Variants in UFM1 observed in about 807,000 individuals in gnomAD.
UFM1 encodes ubiquitin fold modifier 1, also known as ubiquitin-fold modifier 1.
Under a neutral mutation model 15.4 loss-of-function variants are expected in UFM1, and 9 were observed. The ratio of observed to expected loss-of-function variants is 0.59; its 90% confidence interval spans 0.35 to 1.02. The LOEUF (loss-of-function observed/expected upper bound fraction) is 1.02. Among genes scored for constraint, UFM1 ranks in the 50% least tolerant of loss-of-function variants. The pLI is 0.02. For missense variants in UFM1, 98 were observed against 104.7 expected, an observed-to-expected ratio of 0.94 and a Z score of 0.28; for synonymous variants, 27 against 36.3, an observed-to-expected ratio of 0.74 and a Z score of 0.92.
At position 38,360,995 on chromosome 13, in the gene UFM1, CTT is replaced by C; in HGVS notation, c.*219_*220del. ...TACTACTGTCACAGAAGATCATAGTCTTTGATGCTACCTCACAACACAAACAG... is the reference window on the plus strand; with the variant it reads ...TACTACTGTCACAGAAGATCATAGTCTGATGCTACCTCACAACACAAACAG... On this transcript the variant is annotated 3_prime_UTR_variant, in exon 6 of 6. Coordinates refer to ENST00000239878, the MANE Select transcript of UFM1 (RefSeq NM_016617.4). 2.5e-6 allele frequency: 1 copy of C among 396,078 alleles called. No individual in the cohort carries two copies. The highest frequency in any genetic ancestry group is 4.5e-6 in the Non-Finnish European group (1 of 221,540). The allele number at this position is 396,078 out of a possible 1,614,324, so 24.5% of individuals were successfully genotyped here.
At chr13:38,357,636 CTT>C (rs1198113638) in intron 3 of UFM1, among the ~76,000 whole-genome samples, 15 of 151,758 alleles carry the variant, frequency 9.9e-5, no homozygotes, top group Admixed American at 5.3e-4. Context: ...TTCTCAAAAA[CTT>C]TACTAATAGC....
intron 2 of UFM1, among the ~76,000 whole-genome samples, chr13:38,351,429 T>G (rs1214923348): frequency 6.6e-6 from 1 of 152,216 alleles, no homozygotes; most frequent in Non-Finnish European, 1.5e-5. Context: ...AGCTGCTGTC[T>G]CCCTTGCTAT....
At chr13:38,350,630 A>C (rs1878801116) in intron 2 of UFM1, among the ~76,000 whole-genome samples, 1 of 152,194 alleles carries the variant, frequency 6.6e-6, no homozygotes, top group Non-Finnish European at 1.5e-5. Flanking sequence ...AGGAATGGGA[A>C]ATGCAGATAG....
chr13:38,350,153 T>C, intron 2 of UFM1, 98 bp downstream of exon 2: 1 of 1,613,990 alleles, frequency 6.2e-7, no homozygotes, highest in Non-Finnish European at 8.5e-7. Flanking sequence ...CACGCAGTCT[T>C]CATCTCTTCA....
At chr13:38,360,675 TA>T in intron 5 of UFM1, 35 bp from the exon 6 acceptor site, 1 of 1,465,542 alleles carries the variant, frequency 6.8e-7, no homozygotes, top group Non-Finnish European at 9.5e-7. Context: ...ACTTGATTTT[TA>T]GATATCTAAC....
chr13:38,350,370 TTTG>T (rs1307918673), intron 2 of UFM1: 3 of 887,834 alleles, frequency 3.4e-6, no homozygotes, highest in Non-Finnish European at 5.2e-6. Context: ...GTTCTGGTAA[TTTG>T]TTGGGATTCT....
intron 2 of UFM1, among the ~76,000 whole-genome samples, chr13:38,353,766 A>C (rs1222692389): frequency 6.6e-6 from 1 of 152,090 alleles, no homozygotes; most frequent in Admixed American, 6.5e-5. Context: ...AGTACACAGA[A>C]GGTTCATCAA....
Position 38,358,137 on chromosome 13 carries a change from G to C in UFM1, c.157+5G>C, listed in dbSNP as rs200492720. ...CAAGTGCAATTATTACCAATGGTAA[G>C]AATTCACTATAAAATTATGTATTAC... On this transcript the variant is annotated splice_donor_5th_base_variant and intron_variant, in intron 4 of 5. Transcript: ENST00000239878. 1.4e-6 allele frequency: 2 copies of C among 1,447,644 alleles called. No homozygotes were observed. Among genetic ancestry groups the C allele is most frequent in the Non-Finnish European group, 1.8e-6 (2 of 1,085,914 alleles). The allele number at this position is 1,447,644 out of a possible 1,614,324, so 89.7% of individuals were successfully genotyped here. A position where few individuals can be genotyped will look rare whatever the true frequency, so the allele number is the denominator to read the frequency against.
chr13:38,360,942 T>C lies in UFM1; in HGVS notation c.*164T>C. The C allele has an allele frequency of 1.8e-6, 1 of 540,570 alleles. No homozygotes were observed. Among genetic ancestry groups the C allele is most frequent in the Middle Eastern group, 5.0e-4 (1 of 2,014 alleles). 33.5% of individuals were successfully genotyped at this position (540,570 alleles called of 1,614,324 possible). A position where few individuals can be genotyped will look rare whatever the true frequency, so the allele number is the denominator to read the frequency against. ...CTTTTTGTTGTCCATACTCTTCCTA[T>C]GAAGAGGGAATGCGTATGAATTAAG... On this transcript the variant is annotated 3_prime_UTR_variant, in exon 6 of 6. Transcript: ENST00000239878.
Position 38,360,955 on chromosome 13 carries a change from C to T in UFM1, c.*177C>T, listed in dbSNP as rs112954399. ...ATACTCTTCCTATGAAGAGGGAATG[C>T]GTATGAATTAAGGCTACTACTGTCA... On this transcript the variant is annotated 3_prime_UTR_variant, in exon 6 of 6. Coordinates refer to ENST00000239878, the MANE Select transcript of UFM1 (RefSeq NM_016617.4). The T allele has an allele frequency of 4.5e-3, 2,277 of 501,200 alleles. 46 individuals carry two copies. Among genetic ancestry groups the T allele is most frequent in the African/African-American group, 0.039 (1,980 of 50,998 alleles). The allele number at this position is 501,200 out of a possible 1,614,324, so 31.0% of individuals were successfully genotyped here.
intron 2 of UFM1, among the ~76,000 whole-genome samples, chr13:38,352,503 ATATT>A (rs1878907738): frequency 6.6e-6 from 1 of 152,134 alleles, no homozygotes; most frequent in Admixed American, 6.6e-5. Context: ...TTTTGTTTAT[ATATT>A]TATTTAAAAA....
intron 3 of UFM1, chr13:38,355,017 C>T (rs374412893): frequency 1.6e-4 from 24 of 151,978 alleles, no homozygotes; most frequent in Admixed American, 5.9e-4. Flanking sequence ...CAAGTGATTT[C>T]GAGTAAAAAC....
At chr13:38,354,128 C>T (rs1278498537) in intron 2 of UFM1, 111 bp from the exon 3 acceptor site, 2 of 877,116 alleles carry the variant, frequency 2.3e-6, no homozygotes, top group East Asian at 5.2e-5. Context: ...AACTTTGAAA[C>T]TGAAAAGACA....
chr13:38,353,083 C>G (rs531526718), intron 2 of UFM1, among the ~76,000 whole-genome samples: 3 of 151,988 alleles, frequency 2.0e-5, no homozygotes, highest in Non-Finnish European at 2.9e-5. Flanking sequence ...AAAATGATAC[C>G]CATTTTCATC....
intron 2 of UFM1, among the ~76,000 whole-genome samples, chr13:38,352,085 T>G (rs1232944850): frequency 7.0e-6 from 1 of 142,096 alleles, no homozygotes; most frequent in South Asian, 2.3e-4. Context: ...ATGAAGTTTG[T>G]TTTTTTTTCT....
At chr13:38,354,174 G>A in intron 2 of UFM1, 65 bp from the exon 3 acceptor site, 1 of 1,530,592 alleles carries the variant, frequency 6.5e-7, no homozygotes, top group Non-Finnish European at 9.0e-7. Flanking sequence ...TGGAAATAAG[G>A]AACAAAGGGG....
chr13:38,354,128 C>A, intron 2 of UFM1, 111 bp from the exon 3 acceptor site: 2 of 877,234 alleles, frequency 2.3e-6, no homozygotes, highest in Non-Finnish European at 3.5e-6. Flanking sequence ...AACTTTGAAA[C>A]TGAAAAGACA....
chr13:38,352,204 T>A lies in UFM1; in HGVS notation c.60-2035T>A, dbSNP rs1337083301. On this transcript the variant is annotated intron_variant, in intron 2 of 5. Transcript: ENST00000239878. Reference sequence around the variant, plus strand: ...CTGCAACGCCCGCCTTCCCAGTTCTTCTCCTTCCTCAGCCTCCCAAATAGC... The same window carrying A: ...CTGCAACGCCCGCCTTCCCAGTTCTACTCCTTCCTCAGCCTCCCAAATAGC... Among the ~76,000 whole-genome samples, 17 of 151,588 alleles carry A rather than the reference T, an allele frequency of 1.1e-4. No individual in the cohort carries two copies. In the East Asian group the frequency reaches 2.7e-3, roughly 24 times the overall value.
In UFM1 at chr13:38,360,692, G is replaced by T. The variant is rs1352442201; in HGVS notation, c.191-19G>T. The T allele has an allele frequency of 1.9e-6, 3 of 1,566,456 alleles. 1 individual carries two copies. In the African/African-American group the frequency reaches 4.1e-5, roughly 21 times the overall value. On this transcript the variant is annotated intron_variant, in intron 5 of 5. Coordinates refer to ENST00000239878, the MANE Select transcript of UFM1 (RefSeq NM_016617.4). The stretch of plus-strand genomic sequence containing the variant: ...TTGATTTTTAGATATCTAACTTTAT[G>T]TTTTGTTTGTTTGTATAGGAAATGT...
Sources: allele counts gnomAD v4.1 joint callset (sites outside exome capture counted in the v4.1 genomes callset), GRCh38; gene constraint gnomAD v4.1.1; transcripts MANE v1.5; gene names NCBI Gene and HGNC (gene_info 2026-07-23, HGNC 2026-07-21).